The following EMCN variants were observed in gnomAD, a reference collection of about 807,000 sequenced individuals.
EMCN encodes endomucin, also known as MUC-14.
Under a neutral mutation model 38.4 loss-of-function variants are expected in EMCN, and 37 were observed. That is an observed-to-expected ratio of 0.96 (90% CI 0.74 to 1.27). EMCN has a LOEUF of 1.27. Among genes scored for constraint, EMCN ranks in the 50% most tolerant of loss-of-function variants. The probability of loss-of-function intolerance (pLI) is 0.00; values close to 1 mark genes in which losing one functional copy is unlikely to be tolerated. For synonymous variants in EMCN, 95 were observed against 100.8 expected, an observed-to-expected ratio of 0.94 and a Z score of 0.35; for missense variants, 318 against 302.8, an observed-to-expected ratio of 1.05 and a Z score of -0.37.
chr4:100,401,680 A>T (rs1419383748), intron 11 of EMCN, among the ~76,000 whole-genome samples: 1 of 152,208 alleles, frequency 6.6e-6, no homozygotes, highest in Non-Finnish European at 1.5e-5. Flanking sequence ...TTACAGAAGT[A>T]TCAGGGAATT....
rs186964138 is a variant in EMCN at position 100,435,642 on chromosome 4, A to G, written c.415+11891T>C. Among the ~76,000 whole-genome samples the G allele has an allele frequency of 8.7e-3, 1,326 of 152,346 alleles. 20 individuals are homozygous for G. Among genetic ancestry groups the G allele is most frequent in the Non-Finnish European group, 0.01 (704 of 68,028 alleles). On this transcript the variant is annotated intron_variant, in intron 5 of 11. Transcript: ENST00000296420. ...ACTTCAAACTATATTACAAGGCTAC[A>G]GTAACCAAAGCAGCATGGTACTGGT...
At chr4:100,412,356 T>C (rs1726587059) in intron 10 of EMCN, among the ~76,000 whole-genome samples, 1 of 152,202 alleles carries the variant, frequency 6.6e-6, no homozygotes, top group African/African-American at 2.4e-5. Flanking sequence ...AATATTCTAA[T>C]GAATTCAGAT....
At chr4:100,428,418 C>A (rs1727111609) in intron 5 of EMCN, among the ~76,000 whole-genome samples, 1 of 152,052 alleles carries the variant, frequency 6.6e-6, no homozygotes, top group African/African-American at 2.4e-5. Context: ...TGATCCCTTC[C>A]TCCTCTATTG....
chr4:100,408,562 G>T (rs1365697822), intron 11 of EMCN, among the ~76,000 whole-genome samples: 2 of 152,146 alleles, frequency 1.3e-5, no homozygotes, highest in Admixed American at 6.5e-5. Context: ...CTGGTAGATA[G>T]GCTCTTACCC....
At chr4:100,416,804 A>G (rs1726748645) in intron 9 of EMCN, among the ~76,000 whole-genome samples, 1 of 152,194 alleles carries the variant, frequency 6.6e-6, no homozygotes, top group Non-Finnish European at 1.5e-5. Context: ...TGTGATAAAC[A>G]TATTAAAAAT....
chr4:100,432,994 A>G (rs1727245651), intron 5 of EMCN, among the ~76,000 whole-genome samples: 1 of 152,182 alleles, frequency 6.6e-6, no homozygotes, highest in African/African-American at 2.4e-5. Context: ...GAGCATGGAA[A>G]TCTACTCATT....
In EMCN at chr4:100,448,839, C is replaced by A. The variant is rs1477829476; in HGVS notation, c.377-1268G>T. 1.1e-4 allele frequency among the ~76,000 whole-genome samples: 16 copies of A among 149,414 alleles called. 1 individual carries two copies. Among genetic ancestry groups the A allele is most frequent in the African/African-American group, 3.5e-4 (14 of 39,956 alleles). On this transcript the variant is annotated intron_variant, in intron 4 of 11. Transcript: ENST00000296420. ...TCCTTCCTTCCTCCCTCCCTCCCTC[C>A]CTCCCTTCCTTGCTTTCTGGCTTGC...
At chr4:100,425,542 A>C (rs1014761304) in intron 5 of EMCN, among the ~76,000 whole-genome samples, 3 of 152,076 alleles carry the variant, frequency 2.0e-5, no homozygotes, top group African/African-American at 7.2e-5. Flanking sequence ...CTTAACCTCT[A>C]TGTGCCTGAG....
At chr4:100,500,083 A>G (rs1480601713) in intron 1 of EMCN, among the ~76,000 whole-genome samples, 1 of 152,038 alleles carries the variant, frequency 6.6e-6, no homozygotes, top group Non-Finnish European at 1.5e-5. Context: ...AAGAATAATG[A>G]TAATACAGAT....
intron 5 of EMCN, among the ~76,000 whole-genome samples, chr4:100,447,096 C>T (rs992298533): frequency 3.3e-5 from 5 of 152,268 alleles, no homozygotes; most frequent in Admixed American, 2.6e-4. Context: ...GTGGCAAATA[C>T]GAGCACTAAT....
intron 5 of EMCN, among the ~76,000 whole-genome samples, chr4:100,429,059 T>C (rs1423778649): frequency 2.0e-5 from 3 of 152,086 alleles, no homozygotes; most frequent in African/African-American, 7.2e-5. Flanking sequence ...ATAAGATGAA[T>C]GAAATTGAAA....
rs149631970 is a variant in EMCN at position 100,501,594 on chromosome 4, T to C, written c.64+16257A>G. On this transcript the variant is annotated intron_variant, in intron 1 of 11. Transcript: ENST00000296420. ...TTATACAAAATTATAAAAAGCTTCT[T>C]GTATTCCACATACTGGATTGCCCAG... Among the ~76,000 whole-genome samples the C allele has an allele frequency of 9.2e-3, 1,403 of 152,264 alleles. 9 individuals carry two copies. The highest frequency in any genetic ancestry group is 0.017 in the Middle Eastern group (5 of 294).
chr4:100,443,994 G>A (rs1354103940), intron 5 of EMCN, among the ~76,000 whole-genome samples: 1 of 152,198 alleles, frequency 6.6e-6, no homozygotes, highest in African/African-American at 2.4e-5. Flanking sequence ...CCCTGGGATG[G>A]TGGGACATAT....
intron 1 of EMCN, among the ~76,000 whole-genome samples, chr4:100,513,734 T>A (rs997546558): frequency 6.6e-6 from 1 of 152,158 alleles, no homozygotes; most frequent in South Asian, 2.1e-4. Context: ...TGTCCATAAC[T>A]TTTTCATAAG....
chr4:100,423,968 A>G (rs1300806931), intron 5 of EMCN, among the ~76,000 whole-genome samples: 1 of 152,052 alleles, frequency 6.6e-6, no homozygotes, highest in African/African-American at 2.4e-5. Flanking sequence ...TTCTAGAGTA[A>G]TGCTACTTGA....
At chr4:100,410,667 G>T (rs1726528034) in intron 10 of EMCN, among the ~76,000 whole-genome samples, 1 of 152,122 alleles carries the variant, frequency 6.6e-6, no homozygotes, top group Non-Finnish European at 1.5e-5. Flanking sequence ...AATAAGTATT[G>T]ATTTTTGCTT....
intron 5 of EMCN, among the ~76,000 whole-genome samples, chr4:100,429,168 G>A (rs755244811): frequency 2.0e-5 from 3 of 152,022 alleles, no homozygotes; most frequent in Non-Finnish European, 2.9e-5. Flanking sequence ...CCACAAGAAT[G>A]GACTCTGAGC....
chr4:100,435,890 A>G (rs1434310579), intron 5 of EMCN, among the ~76,000 whole-genome samples: 2 of 152,234 alleles, frequency 1.3e-5, no homozygotes, highest in Non-Finnish European at 2.9e-5. Flanking sequence ...AGATGGATTA[A>G]AGACATAAAT....
At chr4:100,398,840 GC>G (rs1166779722) in intron 11 of EMCN, among the ~76,000 whole-genome samples, 1 of 152,084 alleles carries the variant, frequency 6.6e-6, no homozygotes, top group Non-Finnish European at 1.5e-5. Flanking sequence ...TATTGCAATA[GC>G]CTCTGACTTC....
Sources: gnomAD v4.1 joint callset for allele counts (sites outside exome capture counted in the v4.1 genomes callset) on GRCh38, gnomAD v4.1.1 for gene constraint, MANE v1.5 for transcripts, NCBI Gene and HGNC (gene_info 2026-07-23, HGNC 2026-07-21) for gene names.